The following GBP3 variants were observed in gnomAD, a reference collection of about 807,000 sequenced individuals.
The protein encoded by GBP3 is guanylate binding protein 3, also known as guanylate-binding protein 3.
A neutral mutation model predicts 62.4 loss-of-function variants in GBP3; 55 were observed. The ratio of observed to expected loss-of-function variants is 0.88; its 90% CI spans 0.71 to 1.10. The LOEUF (loss-of-function observed/expected upper bound fraction) is 1.10, where lower values mean the gene tolerates loss of function less well. GBP3 is among the 50% of genes least tolerant of loss of function. The pLI, the probability that GBP3 is intolerant of heterozygous loss-of-function variation, is 0.00. For synonymous variants in GBP3, 208 were observed against 259.2 expected (o/e 0.80, Z 1.90); for missense variants, 605 against 690.6 (o/e 0.88, Z 1.39).
Position 89,011,894 on chromosome 1 carries a change from G to T in GBP3, c.1002C>A (p.Asp334Glu). ...GCTGCACCTTCTGGCCCATCTGCTG[G>T]TCATAGTGGGCAATAGCCTTTTGCA... ...AAVQKAIAHY[D>E]QQMGQKVQLP... Residue 334 changes from aspartate (D) to glutamate (E), a missense_variant, in exon 7 of 11, where the codon GAC (aspartate) becomes GAA (glutamate). Around this residue, in one of 3 missense-constraint regions of GBP3, gnomAD observed 137 missense variants for 224.7 expected, o/e 0.61. Transcript: ENST00000370481. The T allele has an allele frequency of 6.8e-7, 1 of 1,462,366 alleles. No homozygotes were observed. Among genetic ancestry groups the T allele is most frequent in the Non-Finnish European group, 9.5e-7 (1 of 1,055,286 alleles). 90.6% of individuals were successfully genotyped at this position (1,462,366 alleles called of 1,614,324 possible).
intron 1 of GBP3, among the ~76,000 whole-genome samples, chr1:89,021,544 A>ACACACACACCCCCCC (rs761151308): frequency 1.4e-4 from 20 of 141,048 alleles, no homozygotes; most frequent in East Asian, 1.3e-3. Context: ...ACACACACAC[A>ACACACACACCCCCCC]CCCCAAAAAA....
At chr1:89,017,284 A>C (rs1307007568) in intron 2 of GBP3, among the ~76,000 whole-genome samples, 1 of 151,814 alleles carries the variant, frequency 6.6e-6, no homozygotes, top group African/African-American at 2.4e-5. Flanking sequence ...AACAAATGAC[A>C]TTGGGAAAAC....
chr1:89,013,575 T>C (rs1364373801), intron 5 of GBP3, 148 bp from the exon 6 acceptor site: 12 of 773,010 alleles, frequency 1.6e-5, no homozygotes, highest in Non-Finnish European at 2.2e-5. Flanking sequence ...TTAGACAATA[T>C]GTAAATGAAT....
rs1261764889 is a variant in GBP3 at position 89,012,113 on chromosome 1, T to A, written c.869-86A>T. ...AATTCTGAACATGTCAATTTCCACCTATTTTCCTCACAGCATCAAGGTCCT... is the reference window on the plus strand; with the variant it reads ...AATTCTGAACATGTCAATTTCCACCAATTTTCCTCACAGCATCAAGGTCCT... On this transcript the variant is annotated intron_variant, in intron 6 of 10. Coordinates refer to ENST00000370481, the MANE Select transcript of GBP3 (RefSeq NM_018284.3). 4.8e-6 allele frequency: 6 copies of A among 1,248,668 alleles called. 2 individuals are homozygous for A. The African/African-American group carries it at 8.5e-5, about 18-fold the overall frequency. The allele number at this position is 1,248,668 out of a possible 1,614,324, so 77.3% of individuals were successfully genotyped here.
intron 2 of GBP3, among the ~76,000 whole-genome samples, chr1:89,019,857 A>G (rs1313664879): frequency 6.6e-6 from 1 of 152,216 alleles, no homozygotes; most frequent in Admixed American, 6.5e-5. Context: ...AATTTAATTA[A>G]TACCACAGAA....
At chr1:89,021,510 G>GCGCGCGCGCACA (rs751639388) in intron 1 of GBP3, among the ~76,000 whole-genome samples, 13 of 131,668 alleles carry the variant, frequency 9.9e-5, no homozygotes, top group African/African-American at 3.6e-4. Context: ...GCGCGCGCGC[G>GCGCGCGCGCACA]CACACACACA....
chr1:89,014,311 T>C (rs1294727537), intron 4 of GBP3, 32 bp from the exon 5 acceptor site: 1 of 1,613,804 alleles, frequency 6.2e-7, no homozygotes, highest in Non-Finnish European at 8.5e-7. Context: ...TGTGACAAAA[T>C]GAACAGGAAC....
At position 89,008,956 on chromosome 1, in the gene GBP3, A is replaced by G; in HGVS notation, c.1650T>C (p.Ser550=). The part of the protein sequence containing the change: ...LLEEQEKTLT[S]KLQEQARVLK... ...TGATGCATTTGGATACCTGAAGTTT[A>G]CTAGTGAGGGTCTTCTCTTGCTCTT... is the stretch of plus-strand genomic sequence containing the variant. Residue 550 remains serine (S), a synonymous_variant, in exon 10 of 11, where the codon AGT becomes AGC. Transcript: ENST00000370481. The G allele has an allele frequency of 1.2e-6, 2 of 1,614,116 alleles. No homozygotes were observed. Among genetic ancestry groups the G allele is most frequent in the South Asian group, 2.2e-5 (2 of 91,082 alleles).
intron 1 of GBP3, among the ~76,000 whole-genome samples, chr1:89,021,506 G>GCACACA (rs1375981072): frequency 2.0e-4 from 12 of 58,882 alleles, no homozygotes; most frequent in Non-Finnish European, 2.5e-4. Flanking sequence ...GCATGCGCGC[G>GCACACA]CGCGCACACA....
chr1:89,021,795 GA>G (rs1679239185), intron 1 of GBP3, among the ~76,000 whole-genome samples: 1 of 121,474 alleles, frequency 8.2e-6, no homozygotes, highest in African/African-American at 5.0e-5. Flanking sequence ...AGATGAGAGA[GA>G]GAGAGAGAGA....
intron 1 of GBP3, among the ~76,000 whole-genome samples, chr1:89,022,107 C>G (rs892867401): frequency 1.3e-5 from 2 of 151,444 alleles, no homozygotes; most frequent in Admixed American, 6.6e-5. Flanking sequence ...TGGATTATTT[C>G]TAGAGAAACA....
At chr1:89,020,505 T>C (rs1303751523) in intron 2 of GBP3, 27 bp downstream of exon 2, 6 of 1,613,564 alleles carry the variant, frequency 3.7e-6, no homozygotes, top group Non-Finnish European at 4.2e-6. Context: ...AGAAGGGACT[T>C]GGCAGAGCTT....
intron 8 of GBP3, among the ~76,000 whole-genome samples, chr1:89,010,089 T>G (rs1678470597): frequency 6.6e-6 from 1 of 152,014 alleles, no homozygotes; most frequent in Non-Finnish European, 1.5e-5. Flanking sequence ...TATAACTCAA[T>G]AGTTAATTGA....
At position 89,007,732 on chromosome 1, in the gene GBP3, T is replaced by G; in HGVS notation, c.1780A>C (p.Lys594Gln). 1 of 1,611,840 alleles carries G rather than the reference T, an allele frequency of 6.2e-7. No homozygotes were observed. The highest frequency in any genetic ancestry group is 8.5e-7 in the Non-Finnish European group (1 of 1,179,268). Residue 594 changes from lysine (K) to glutamine (Q), a missense_variant, in exon 11 of 11, where the codon AAG (lysine) becomes CAG (glutamine). Transcript: ENST00000370481. ...KTKRYMSHKL[K>Q]I Reference sequence around the variant, plus strand: ...CAGAAAAGCTCTGTTGTTTAGATCTTTAGCTTATGCGACATATATCTCTTG... The same window carrying G: ...CAGAAAAGCTCTGTTGTTTAGATCTGTAGCTTATGCGACATATATCTCTTG...
In GBP3 at chr1:89,010,484, A is replaced by G. The variant is rs1047704893; in HGVS notation, c.1362+420T>C. ...GCCCAGGCCAGAGTGCTGAGGTGCA[A>G]TCTTGGCTCACTGAACCTCCCGGGC... On this transcript the variant is annotated intron_variant, in intron 8 of 10. Coordinates refer to ENST00000370481, the MANE Select transcript of GBP3 (RefSeq NM_018284.3). Among the ~76,000 whole-genome samples the G allele has an allele frequency of 1.3e-4, 17 of 134,390 alleles. 1 individual carries two copies. Among genetic ancestry groups the G allele is most frequent in the African/African-American group, 4.3e-4 (17 of 39,314 alleles). The allele number at this position is 134,390 out of a possible 152,430, so 88.2% of individuals were successfully genotyped here.
intron 10 of GBP3, 28 bp downstream of exon 10, chr1:89,008,919 C>T (rs183211655): frequency 1.5e-4 from 240 of 1,613,788 alleles, no homozygotes; most frequent in East Asian, 1.4e-3. Flanking sequence ...AACAGAAAAA[C>T]GAACCACAAG....
Position 89,014,995 on chromosome 1 carries a change from G to C in GBP3, c.318+292C>G, listed in dbSNP as rs1300977851. Among the ~76,000 whole-genome samples the C allele has an allele frequency of 2.6e-5, 4 of 152,150 alleles. No homozygotes were observed. The South Asian group carries it at 6.2e-4, about 24-fold the overall frequency. ...GAATTATAAGTTCTTTGCAGGATAG[G>C]ACTCGTGACATTGGATTTATTTGTG... is the stretch of plus-strand genomic sequence containing the variant. On this transcript the variant is annotated intron_variant, in intron 3 of 10. Coordinates refer to ENST00000370481, the MANE Select transcript of GBP3 (RefSeq NM_018284.3).
intron 6 of GBP3, 120 bp from the exon 7 acceptor site, chr1:89,012,147 T>C (rs6659829): frequency 0.24 from 242,342 of 1,011,186 alleles, 67,874 homozygotes; most frequent in African/African-American, 0.74. Context: ...CTCAGAATCA[T>C]CTGGAAGCTT....
At chr1:89,009,556 C>G (rs1183125896) in intron 8 of GBP3, 62 bp from the exon 9 acceptor site, 19 of 1,596,242 alleles carry the variant, frequency 1.2e-5, no homozygotes, top group Non-Finnish European at 1.5e-5. Context: ...TTTTCCTGTT[C>G]TTCTGCCCAC....
Sources: gnomAD v4.1 joint callset for allele counts (sites outside exome capture counted in the v4.1 genomes callset) on GRCh38, gnomAD v4.1.1 for gene constraint, gnomAD v4.1.1 regional missense constraint, MANE v1.5 for transcripts, NCBI Gene and HGNC (gene_info 2026-07-23, HGNC 2026-07-21) for gene names.